Variants in SNTG1 observed in about 807,000 individuals in gnomAD.
SNTG1 encodes syntrophin gamma 1.
A neutral mutation model predicts 74.7 loss-of-function variants in SNTG1; 39 were observed. The ratio of observed to expected loss-of-function variants is 0.52; its 90% CI spans 0.40 to 0.68. The LOEUF is 0.68. Among genes scored for constraint, SNTG1 ranks in the 30% least tolerant of loss-of-function variants. The pLI is 0.00. For synonymous variants in SNTG1, 254 were observed against 217.1 expected, an observed-to-expected ratio of 1.17 and a Z score of -1.49; for missense variants, 685 against 609.5, an observed-to-expected ratio of 1.12 and a Z score of -1.30.
intron 1 of SNTG1, among the ~76,000 whole-genome samples, chr8:49,919,551 C>T (rs1016400788): frequency 6.6e-6 from 1 of 151,746 alleles, no homozygotes; most frequent in African/African-American, 2.4e-5. Flanking sequence ...TCTCTAAAAG[C>T]TTTTTTTTCC....
intron 13 of SNTG1, among the ~76,000 whole-genome samples, chr8:50,638,888 C>T (rs1285391111): frequency 6.6e-6 from 1 of 152,056 alleles, no homozygotes; most frequent in Admixed American, 6.6e-5. Flanking sequence ...ACTTAAATAT[C>T]ACTATATGAG....
chr8:50,404,393 G>T (rs1276145774), intron 4 of SNTG1, among the ~76,000 whole-genome samples: 6 of 151,918 alleles, frequency 3.9e-5, no homozygotes, highest in Admixed American at 3.9e-4. Context: ...ATATTTGTGT[G>T]GATATGTACA....
chr8:50,151,354 A>G (rs976230600), intron 1 of SNTG1, among the ~76,000 whole-genome samples: 5 of 152,084 alleles, frequency 3.3e-5, no homozygotes, highest in African/African-American at 9.7e-5. Context: ...GATCTTTTCA[A>G]AAAACCAGCT....
chr8:49,974,950 G>T (rs1812054240), intron 1 of SNTG1, among the ~76,000 whole-genome samples: 1 of 152,080 alleles, frequency 6.6e-6, no homozygotes, highest in South Asian at 2.1e-4. Context: ...TCCAATTGCG[G>T]AGTGAAACTA....
intron 18 of SNTG1, among the ~76,000 whole-genome samples, chr8:50,760,382 A>G (rs2095594933): frequency 6.6e-6 from 1 of 152,060 alleles, no homozygotes; most frequent in African/African-American, 2.4e-5. Context: ...TGTGTTGAAT[A>G]AGAGTGGTGA....
At chr8:50,336,105 T>G (rs1488147442) in intron 2 of SNTG1, among the ~76,000 whole-genome samples, 1 of 152,182 alleles carries the variant, frequency 6.6e-6, no homozygotes, top group Non-Finnish European at 1.5e-5. Flanking sequence ...ATTGGGAATA[T>G]GAATTTTATC....
At chr8:49,974,867 G>A (rs1812046477) in intron 1 of SNTG1, among the ~76,000 whole-genome samples, 1 of 152,100 alleles carries the variant, frequency 6.6e-6, no homozygotes, top group Non-Finnish European at 1.5e-5. Context: ...GTGGGTAATT[G>A]GTTTTGGGAA....
chr8:50,312,648 T>C (rs868819237), intron 2 of SNTG1, among the ~76,000 whole-genome samples: 3 of 149,474 alleles, frequency 2.0e-5, no homozygotes, highest in Non-Finnish European at 4.4e-5. Context: ...ACAATGAAAA[T>C]AGCATAATAG....
Position 50,005,544 on chromosome 8 carries a change from G to A in SNTG1, c.-103+93313G>A, listed in dbSNP as rs118138469. ...ATATTTGTTAAATAGAATTTAAATA[G>A]AATTTTATTGAAAATAAACTAAAAA... On this transcript the variant is annotated intron_variant, in intron 1 of 18. Coordinates refer to ENST00000642720, the MANE Select transcript of SNTG1 (RefSeq NM_018967.5). 1.3e-3 allele frequency among the ~76,000 whole-genome samples: 203 copies of A among 151,764 alleles called. 6 individuals are homozygous for A. In the East Asian group the frequency reaches 0.027, roughly 20 times the overall value.
At chr8:50,441,427 C>T (rs540363686) in intron 5 of SNTG1, among the ~76,000 whole-genome samples, 36 of 152,056 alleles carry the variant, frequency 2.4e-4, no homozygotes, top group African/African-American at 8.2e-4. Flanking sequence ...AGTGTCCCTA[C>T]GGCTTAATTC....
intron 1 of SNTG1, among the ~76,000 whole-genome samples, chr8:49,939,994 A>G (rs888668586): frequency 6.6e-6 from 1 of 152,196 alleles, no homozygotes; most frequent in African/African-American, 2.4e-5. Flanking sequence ...AAGATAATAC[A>G]TGAGAGGATA....
chr8:50,593,528 T>G (rs1234554864), intron 13 of SNTG1, among the ~76,000 whole-genome samples: 1 of 151,172 alleles, frequency 6.6e-6, no homozygotes, highest in Non-Finnish European at 1.5e-5. Context: ...CAAACAGGAG[T>G]TCAAAAATGA....
intron 1 of SNTG1, among the ~76,000 whole-genome samples, chr8:50,089,970 C>T (rs6980996): frequency 0.24 from 37,047 of 152,050 alleles, 4,637 homozygotes; most frequent in South Asian, 0.38. Context: ...ATGTTTATTG[C>T]GGCATTATTC....
intron 15 of SNTG1, among the ~76,000 whole-genome samples, chr8:50,689,802 C>T (rs978952314): frequency 4.5e-4 from 69 of 151,926 alleles, no homozygotes; most frequent in South Asian, 2.1e-4. Context: ...TCTATTGATT[C>T]GGATAGTTTC....
chr8:50,601,974 T>C (rs924811184), intron 13 of SNTG1, among the ~76,000 whole-genome samples: 2 of 152,172 alleles, frequency 1.3e-5, no homozygotes, highest in African/African-American at 2.4e-5. Context: ...GGAATATCTT[T>C]CATTATTCCT....
intron 1 of SNTG1, among the ~76,000 whole-genome samples, chr8:50,042,208 T>C (rs1395555336): frequency 1.3e-5 from 2 of 152,108 alleles, no homozygotes; most frequent in Non-Finnish European, 2.9e-5. Context: ...TAAATATAAT[T>C]TTACCACCAT....
intron 8 of SNTG1, among the ~76,000 whole-genome samples, chr8:50,479,270 T>C (rs185380424): frequency 6.6e-6 from 1 of 152,282 alleles, no homozygotes; most frequent in Admixed American, 6.5e-5. Flanking sequence ...CTTTTTTTTT[T>C]CTTCAAGAAT....
chr8:50,225,340 C>T (rs556564702), intron 2 of SNTG1, among the ~76,000 whole-genome samples: 13 of 152,264 alleles, frequency 8.5e-5, no homozygotes, highest in African/African-American at 3.1e-4. Context: ...TCCACAACCC[C>T]TTATCTTAAC....
chr8:50,003,558 A>G (rs1429434468), intron 1 of SNTG1, among the ~76,000 whole-genome samples: 1 of 152,192 alleles, frequency 6.6e-6, no homozygotes, highest in Non-Finnish European at 1.5e-5. Context: ...TGATGTAATT[A>G]TGGAATTTTT....
Sources: allele counts gnomAD v4.1 joint callset (sites outside exome capture counted in the v4.1 genomes callset), GRCh38; gene constraint gnomAD v4.1.1; transcripts MANE v1.5; gene names NCBI Gene and HGNC (gene_info 2026-07-23, HGNC 2026-07-21).